The following TCF4 variants were observed in gnomAD, a reference collection of about 807,000 sequenced individuals.
The protein encoded by TCF4 is transcription factor 4, also known as SL3-3 enhancer factor 2.
Under a neutral mutation model 82.1 loss-of-function variants are expected in TCF4, and 3 were observed. That is an observed-to-expected ratio of 0.04 (90% CI 0.02 to 0.09). The LOEUF (loss-of-function observed/expected upper bound fraction) is 0.09, where lower values mean the gene tolerates loss of function less well. TCF4 is among the 10% of genes least tolerant of loss of function. The probability of loss-of-function intolerance (pLI) is 1.00; values close to 1 mark genes in which losing one functional copy is unlikely to be tolerated. For synonymous variants in TCF4, 276 were observed against 309.6 expected, an observed-to-expected ratio of 0.89 and a Z score of 1.14; for missense variants, 518 against 852.7, an observed-to-expected ratio of 0.61 and a Z score of 4.89.
chr18:55,247,982 C>A (rs1050484416), intron 15 of TCF4, among the ~76,000 whole-genome samples: 47 of 152,132 alleles, frequency 3.1e-4, no homozygotes, highest in African/African-American at 1.1e-3. Context: ...GGAGGCTGAT[C>A]AAGACTTGTT....
At chr18:55,568,421 G>A (rs1208159275) in intron 3 of TCF4, among the ~76,000 whole-genome samples, 2 of 151,550 alleles carry the variant, frequency 1.3e-5, no homozygotes, top group South Asian at 2.1e-4. Flanking sequence ...GAATACCTTT[G>A]TATAACTTTA....
At chr18:55,404,473 A>G (rs1603448706) in intron 5 of TCF4, 1 of 152,322 alleles carries the variant, frequency 6.6e-6, no homozygotes. Context: ...CGCAAGTCTA[A>G]AGGATACTTC....
At chr18:55,635,076 G>A (rs1439332558) in intron 1 of TCF4, among the ~76,000 whole-genome samples, 1 of 152,204 alleles carries the variant, frequency 6.6e-6, no homozygotes, top group Non-Finnish European at 1.5e-5. Flanking sequence ...TGCTGGCAGA[G>A]TTCTTGGAGA....
At position 55,404,924 on chromosome 18, in the gene TCF4, C is replaced by T. The variant is rs192785113; in HGVS notation, c.305-1406G>A. Among the ~76,000 whole-genome samples, 342 of 152,322 alleles carry T rather than the reference C, an allele frequency of 2.2e-3. 1 individual carries two copies. The highest frequency in any genetic ancestry group is 5.0e-3 in the South Asian group (24 of 4,826). On this transcript the variant is annotated intron_variant, in intron 5 of 19. Transcript: ENST00000354452. ...ATGAATCTTAAAGTTGGGAAAACAC[C>T]TCCGCCCCATTTCTGGTCTAGCGCT...
In TCF4 at chr18:55,223,100, T is replaced by C. The variant is rs2046083515; in HGVS notation, c.*4935A>G. On this transcript the variant is annotated 3_prime_UTR_variant, in exon 20 of 20. Transcript: ENST00000354452. ...TGCAAAAGGTTAAGGCTGACTTGAC[T>C]TAGCAACCTGCAGCACAACCGAAAA... The C allele has an allele frequency of 6.6e-6, 1 of 152,220 alleles. No individual in the cohort carries two copies. Among genetic ancestry groups the C allele is most frequent in the Non-Finnish European group, 1.5e-5 (1 of 68,040 alleles). 9.4% of individuals were successfully genotyped at this position (152,220 alleles called of 1,614,324 possible). A position where few individuals can be genotyped will look rare whatever the true frequency, so the allele number is the denominator to read the frequency against.
chr18:55,279,035 T>C (rs1050659589), intron 9 of TCF4, among the ~76,000 whole-genome samples: 7 of 152,214 alleles, frequency 4.6e-5, no homozygotes, highest in African/African-American at 1.4e-4. Context: ...AACCAGTTAC[T>C]ATGTTGGGAC....
intron 8 of TCF4, among the ~76,000 whole-genome samples, chr18:55,281,950 T>C (rs1201778629): frequency 6.6e-6 from 1 of 152,032 alleles, no homozygotes; most frequent in Non-Finnish European, 1.5e-5. Context: ...TTTCTATTTT[T>C]CTGCTGTTTT....
At chr18:55,568,151 A>G (rs1463767330) in intron 3 of TCF4, among the ~76,000 whole-genome samples, 2 of 150,020 alleles carry the variant, frequency 1.3e-5, no homozygotes, top group Non-Finnish European at 3.0e-5. Context: ...TGCACTAAGT[A>G]GTCAACTCTA....
At chr18:55,350,823 A>T (rs1311868802) in intron 7 of TCF4, 51 bp downstream of exon 7, 1 of 1,610,674 alleles carries the variant, frequency 6.2e-7, no homozygotes, top group Non-Finnish European at 8.5e-7. Flanking sequence ...GAAAGAAAAA[A>T]AGAAAAAGGC....
chr18:55,500,045 T>C (rs879661883), intron 3 of TCF4, among the ~76,000 whole-genome samples: 1 of 151,816 alleles, frequency 6.6e-6, no homozygotes, highest in Non-Finnish European at 1.5e-5. Flanking sequence ...TAGCCAGGCA[T>C]GGTGGTATAC....
At chr18:55,295,346 G>A (rs767118740) in intron 8 of TCF4, among the ~76,000 whole-genome samples, 5 of 152,156 alleles carry the variant, frequency 3.3e-5, no homozygotes, top group African/African-American at 4.8e-5. Context: ...TGATGAGGAC[G>A]ATGATGATGA....
At chr18:55,459,560 T>G (rs970235403) in intron 5 of TCF4, among the ~76,000 whole-genome samples, 1 of 152,202 alleles carries the variant, frequency 6.6e-6, no homozygotes, top group Non-Finnish European at 1.5e-5. Context: ...CAAGTGAATC[T>G]TTTATTCTAA....
At chr18:55,581,899 A>C (rs1249105171) in intron 3 of TCF4, among the ~76,000 whole-genome samples, 2 of 152,114 alleles carry the variant, frequency 1.3e-5, no homozygotes, top group Non-Finnish European at 2.9e-5. Context: ...ACCTCAGTAA[A>C]ACTAAACAGT....
intron 14 of TCF4, among the ~76,000 whole-genome samples, chr18:55,256,390 C>T (rs536938665): frequency 6.6e-6 from 1 of 152,086 alleles, no homozygotes; most frequent in Non-Finnish European, 1.5e-5. Flanking sequence ...ATTAATTGGG[C>T]TGGGTAGTGC....
chr18:55,436,826 G>C (rs540081477), intron 5 of TCF4, among the ~76,000 whole-genome samples: 1 of 152,296 alleles, frequency 6.6e-6, no homozygotes, highest in South Asian at 2.1e-4. Flanking sequence ...CTATTTTACA[G>C]ACTGAACAGC....
At chr18:55,334,795 A>G (rs1223750884) in intron 8 of TCF4, among the ~76,000 whole-genome samples, 1 of 151,322 alleles carries the variant, frequency 6.6e-6, no homozygotes, top group African/African-American at 2.4e-5. Context: ...GCTCAGGAAC[A>G]CCTTTCTTCA....
intron 10 of TCF4, among the ~76,000 whole-genome samples, chr18:55,274,027 G>T (rs1437698506): frequency 6.6e-6 from 1 of 152,080 alleles, no homozygotes; most frequent in African/African-American, 2.4e-5. Context: ...ACTCTTAAAA[G>T]AACTGAAATT....
At chr18:55,535,457 A>G (rs902484092) in intron 3 of TCF4, among the ~76,000 whole-genome samples, 9 of 152,238 alleles carry the variant, frequency 5.9e-5, no homozygotes, top group Non-Finnish European at 1.2e-4. Context: ...CTAGATTTTC[A>G]GAACTGCTAT....
intron 8 of TCF4, among the ~76,000 whole-genome samples, chr18:55,327,905 T>C (rs1197740406): frequency 6.6e-6 from 1 of 152,180 alleles, no homozygotes; most frequent in Non-Finnish European, 1.5e-5. Flanking sequence ...TCTGATCAGA[T>C]TCATTTCCCC....
Sources: gnomAD v4.1 joint callset for allele counts (sites outside exome capture counted in the v4.1 genomes callset) on GRCh38, gnomAD v4.1.1 for gene constraint, MANE v1.5 for transcripts, NCBI Gene and HGNC (gene_info 2026-07-23, HGNC 2026-07-21) for gene names.